ATP2B2: variants seen among roughly 807,000 people sequenced by gnomAD.
The protein encoded by ATP2B2 is plasma membrane calcium-transporting ATPase 2.
In ATP2B2, 15 loss-of-function variants were observed where a neutral mutation model predicts 120.0. That is an observed-to-expected ratio of 0.12 (90% CI 0.08 to 0.19). The LOEUF is 0.19. Among genes scored for constraint, ATP2B2 ranks in the 10% least tolerant of loss-of-function variants. ATP2B2 has a pLI of 1.00. For missense variants in ATP2B2, 1,045 were observed against 1,719.8 expected (o/e 0.61, Z 6.94); for synonymous variants, 694 against 700.3 (o/e 0.99, Z 0.14).
At chr3:10,565,239 C>A (rs981710521) in intron 2 of ATP2B2, among the ~76,000 whole-genome samples, 1 of 152,142 alleles carries the variant, frequency 6.6e-6, no homozygotes, top group Admixed American at 6.5e-5. Flanking sequence ...AAGTTTTCTA[C>A]CCTGCTATTT....
intron 2 of ATP2B2, among the ~76,000 whole-genome samples, chr3:10,592,009 T>G (rs1024830278): frequency 6.6e-6 from 1 of 152,116 alleles, no homozygotes; most frequent in Non-Finnish European, 1.5e-5. Context: ...AGGAAGCAGA[T>G]CAGAGGACCT....
intron 1 of ATP2B2, among the ~76,000 whole-genome samples, chr3:10,691,816 C>T (rs186854425): frequency 3.7e-4 from 56 of 152,308 alleles, no homozygotes; most frequent in Non-Finnish European, 7.8e-4. Context: ...GATCCATGAA[C>T]ACCATATTTC....
At chr3:10,444,549 C>T (rs1407770771) in intron 2 of ATP2B2, among the ~76,000 whole-genome samples, 1 of 152,244 alleles carries the variant, frequency 6.6e-6, no homozygotes, top group Non-Finnish European at 1.5e-5. Flanking sequence ...CCGGAGGTTC[C>T]GTTTCACAGC....
intron 3 of ATP2B2, among the ~76,000 whole-genome samples, chr3:10,407,125 A>G (rs1426021838): frequency 1.3e-5 from 2 of 152,082 alleles, no homozygotes; most frequent in African/African-American, 4.8e-5. Flanking sequence ...CCTAGGCCAC[A>G]ACTCTGGGTG....
At chr3:10,614,404 G>A (rs1001316593) in intron 2 of ATP2B2, among the ~76,000 whole-genome samples, 1 of 152,120 alleles carries the variant, frequency 6.6e-6, no homozygotes. Context: ...AGGAATCGCT[G>A]TAGGGCTGTA....
chr3:10,407,049 C>T lies in ATP2B2; in HGVS notation c.397+3569G>A, dbSNP rs551551052. Among the ~76,000 whole-genome samples the T allele has an allele frequency of 5.3e-5, 8 of 152,296 alleles. No individual in the cohort carries two copies. In the East Asian group the frequency reaches 5.8e-4, roughly 11 times the overall value. On this transcript the variant is annotated intron_variant, in intron 3 of 22. Coordinates refer to ENST00000360273, the MANE Select transcript of ATP2B2 (RefSeq NM_001001331.4). The stretch of plus-strand genomic sequence containing the variant: ...CCTGACCCTGGAAGGAGTCCAGTTG[C>T]GGGTCTTTCATCCCTGGCTCTTGAG...
At chr3:10,589,268 C>A (rs1216755424) in intron 2 of ATP2B2, among the ~76,000 whole-genome samples, 1 of 152,162 alleles carries the variant, frequency 6.6e-6, no homozygotes, top group East Asian at 1.9e-4. Flanking sequence ...AGGCTAGAGA[C>A]CCACTATAGG....
intron 1 of ATP2B2, among the ~76,000 whole-genome samples, chr3:10,673,994 A>T (rs1256756382): frequency 7.3e-6 from 1 of 136,434 alleles, no homozygotes; most frequent in African/African-American, 2.9e-5. Context: ...GTGGTTTTAT[A>T]AAAAAAAAAA....
chr3:10,422,440 T>TG (rs1401354171), intron 2 of ATP2B2, among the ~76,000 whole-genome samples: 2 of 152,294 alleles, frequency 1.3e-5, no homozygotes, highest in Non-Finnish European at 2.9e-5. Flanking sequence ...CACATCACGG[T>TG]GTTGACGGTT....
At chr3:10,597,177 A>G (rs7636996) in intron 2 of ATP2B2, among the ~76,000 whole-genome samples, 72,614 of 150,528 alleles carry the variant, frequency 0.48, 19,334 homozygotes, top group Non-Finnish European at 0.61. Context: ...GCACACAGGC[A>G]CAGGCACACA....
At chr3:10,674,593 A>T (rs540517402) in intron 1 of ATP2B2, among the ~76,000 whole-genome samples, 1 of 152,228 alleles carries the variant, frequency 6.6e-6, no homozygotes, top group Admixed American at 6.5e-5. Context: ...TTATTTTGCA[A>T]ATTTTTATTT....
At chr3:10,582,146 T>C (rs776223743) in intron 2 of ATP2B2, among the ~76,000 whole-genome samples, 6 of 152,152 alleles carry the variant, frequency 3.9e-5, no homozygotes, top group Non-Finnish European at 5.9e-5. Flanking sequence ...CAAAGCAGCA[T>C]TGTGTGGCAG....
At chr3:10,332,735 G>A (rs1198414244) in intron 22 of ATP2B2, among the ~76,000 whole-genome samples, 1 of 152,170 alleles carries the variant, frequency 6.6e-6, no homozygotes, top group African/African-American at 2.4e-5. Flanking sequence ...GGACTCCGGA[G>A]TCTGACCTCT....
intron 1 of ATP2B2, among the ~76,000 whole-genome samples, chr3:10,495,861 T>C (rs1465485104): frequency 1.3e-5 from 2 of 152,252 alleles, no homozygotes; most frequent in Non-Finnish European, 2.9e-5. Context: ...AAGTTATTCA[T>C]GGCCTAGCCC....
intron 2 of ATP2B2, among the ~76,000 whole-genome samples, chr3:10,598,737 C>G (rs150536559): frequency 6.6e-6 from 1 of 152,170 alleles, no homozygotes; most frequent in Non-Finnish European, 1.5e-5. Context: ...TGAGTCTGCA[C>G]GGAATAAATG....
chr3:10,509,318 G>A (rs530038042), upstream of ATP2B2, among the ~76,000 whole-genome samples: 12 of 152,208 alleles, frequency 7.9e-5, no homozygotes, highest in Admixed American at 3.9e-4. Flanking sequence ...TGCCTGGCTC[G>A]GGGTCTGTAG....
chr3:10,483,131 T>C (rs1182142927), intron 1 of ATP2B2, among the ~76,000 whole-genome samples: 2 of 152,228 alleles, frequency 1.3e-5, no homozygotes, highest in Non-Finnish European at 2.9e-5. Flanking sequence ...CTTCTCTCCC[T>C]GGTGAGGGTA....
At chr3:10,585,634 C>G (rs1310160478) in intron 2 of ATP2B2, among the ~76,000 whole-genome samples, 1 of 151,900 alleles carries the variant, frequency 6.6e-6, no homozygotes, top group Non-Finnish European at 1.5e-5. Flanking sequence ...TTCTGTCTCA[C>G]CAACATGCAA....
intron 2 of ATP2B2, among the ~76,000 whole-genome samples, chr3:10,598,736 A>G (rs1355036146): frequency 6.6e-6 from 1 of 152,254 alleles, no homozygotes; most frequent in Non-Finnish European, 1.5e-5. Context: ...CTGAGTCTGC[A>G]CGGAATAAAT....
Sources: allele counts gnomAD v4.1 joint callset (sites outside exome capture counted in the v4.1 genomes callset), GRCh38; gene constraint gnomAD v4.1.1; transcripts MANE v1.5; gene names NCBI Gene and HGNC (gene_info 2026-07-23, HGNC 2026-07-21).